Variants in PFKP observed in about 807,000 individuals in gnomAD.
PFKP encodes the protein phosphofructokinase, platelet.
A neutral mutation model predicts 94.3 loss-of-function variants in PFKP; 101 were observed. The observed-to-expected ratio is 1.07, with a 90% CI of 0.91 to 1.26. The LOEUF (loss-of-function observed/expected upper bound fraction) is 1.26, where lower values mean the gene tolerates loss of function less well. Among genes scored for constraint, PFKP ranks in the 50% most tolerant of loss-of-function variants. PFKP has a pLI of 0.00. For synonymous variants in PFKP, 573 were observed against 432.6 expected (o/e 1.32, Z -4.03); for missense variants, 1,145 against 1,103.3 (o/e 1.04, Z -0.53).
chr10:3,124,060 C>A (rs1278836010), intron 16 of PFKP, among the ~76,000 whole-genome samples: 1 of 148,538 alleles, frequency 6.7e-6, no homozygotes, highest in African/African-American at 2.5e-5. Context: ...CGGGTCTACA[C>A]CCACTGTCCG....
intron 13 of PFKP, among the ~76,000 whole-genome samples, chr10:3,115,402 G>C (rs1836708992): frequency 1.2e-5 from 1 of 84,866 alleles, no homozygotes; most frequent in South Asian, 5.4e-4. Flanking sequence ...GGGGATGCCG[G>C]GGTGAAGGTG....
intron 2 of PFKP, among the ~76,000 whole-genome samples, chr10:3,082,977 T>G (rs576487959): frequency 6.6e-6 from 1 of 152,258 alleles, no homozygotes; most frequent in African/African-American, 2.4e-5. Context: ...TCCCAAAGTT[T>G]TGGTATTACA....
intron 1 of PFKP, 76 bp from the exon 2 acceptor site, chr10:3,082,312 T>G: frequency 9.3e-7 from 1 of 1,071,144 alleles, no homozygotes; most frequent in Non-Finnish European, 1.4e-6. Context: ...AACGGACCCA[T>G]GGTCATGGGT....
intron 16 of PFKP, among the ~76,000 whole-genome samples, chr10:3,121,803 C>CTTTTCTTTCTTTTTTT (rs1564339123): frequency 3.1e-5 from 1 of 32,624 alleles, no homozygotes; most frequent in Admixed American, 4.6e-4. Flanking sequence ...CTTTTTTTTT[C>CTTTTCTTTCTTTTTTT]TTTTTTTTTT....
At chr10:3,132,622 A>G (rs920559158) in intron 18 of PFKP, among the ~76,000 whole-genome samples, 181 bp downstream of exon 18, 3 of 139,658 alleles carry the variant, frequency 2.1e-5, no homozygotes, top group Admixed American at 1.5e-4. Context: ...CTGCATTTAG[A>G]CAACTAATAT....
intron 2 of PFKP, among the ~76,000 whole-genome samples, chr10:3,082,698 G>C (rs1833182685): frequency 1.3e-5 from 2 of 152,114 alleles, no homozygotes; most frequent in Non-Finnish European, 2.9e-5. Context: ...AGATGAGAGG[G>C]AGCCCAAAAA....
chr10:3,129,632 G>C, intron 16 of PFKP, 187 bp from the exon 17 acceptor site: 1 of 634,576 alleles, frequency 1.6e-6, no homozygotes, highest in Non-Finnish European at 2.7e-6. Flanking sequence ...GGTTGCGGGG[G>C]ACCACGTTCA....
chr10:3,070,609 G>C (rs1456629471), intron 1 of PFKP, among the ~76,000 whole-genome samples: 2 of 152,168 alleles, frequency 1.3e-5, no homozygotes, highest in Non-Finnish European at 2.9e-5. Flanking sequence ...TCCCAAGAGA[G>C]GCGTGTCCTC....
At position 3,136,621 on chromosome 10, in the gene PFKP, CTGTT is replaced by C. The variant is rs551583320; in HGVS notation, c.*44_*47del. 4.2e-4 allele frequency: 677 copies of C among 1,600,902 alleles called. 5 individuals are homozygous for C. The African/African-American group carries it at 8.0e-3, about 19-fold the overall frequency. ...TGTGCCTGCAGCCACCGTGGACTGT[CTGTT>C]TTTGTAACACTTAAGTTATTTTATC... is the stretch of plus-strand genomic sequence containing the variant. On this transcript the variant is annotated 3_prime_UTR_variant, in exon 22 of 22. Transcript: ENST00000381125.
At position 3,096,347 on chromosome 10, in the gene PFKP, G is replaced by A. The variant is rs567302642; in HGVS notation, c.187-2928G>A. On this transcript the variant is annotated intron_variant, in intron 2 of 21. Transcript: ENST00000381125. ...CATCCTCTTCAGCAGGGTGGCGGCC[G>A]GAACTGGCACCTTCCCCCCGGTCTC... Among the ~76,000 whole-genome samples the A allele has an allele frequency of 3.3e-5, 5 of 152,266 alleles. No homozygotes were observed. In the South Asian group the frequency reaches 8.3e-4, roughly 25 times the overall value.
In PFKP at chr10:3,136,684, C is replaced by CA. The variant is rs1839412021; in HGVS notation, c.*105_*106insA. The CA allele has an allele frequency of 3.1e-6, 4 of 1,270,564 alleles. No homozygotes were observed. Among genetic ancestry groups the CA allele is most frequent in the South Asian group, 2.8e-5 (2 of 71,208 alleles). 78.7% of individuals were successfully genotyped at this position (1,270,564 alleles called of 1,614,324 possible). On this transcript the variant is annotated 3_prime_UTR_variant, in exon 22 of 22. Coordinates refer to ENST00000381125, the MANE Select transcript of PFKP (RefSeq NM_002627.5). ...ATGCACGTATTATTGACATTAATACCTAATCGGCGAGTGCCCATCTGCCCC... is the reference window on the plus strand; with the variant it reads ...ATGCACGTATTATTGACATTAATACCATAATCGGCGAGTGCCCATCTGCCCC...
intron 16 of PFKP, 112 bp downstream of exon 16, chr10:3,120,156 G>T: frequency 2.4e-6 from 2 of 835,746 alleles, no homozygotes; most frequent in South Asian, 1.6e-5. Flanking sequence ...TACCCTGAAT[G>T]AGAGCTTCTC....
At chr10:3,100,075 G>T (rs934322470) in intron 3 of PFKP, among the ~76,000 whole-genome samples, 8 of 150,032 alleles carry the variant, frequency 5.3e-5, no homozygotes, top group Admixed American at 1.3e-4. Context: ...GTGTGTGTGT[G>T]TGTGTGTGTG....
At chr10:3,131,180 A>G (rs1468544734) in intron 17 of PFKP, among the ~76,000 whole-genome samples, 3 of 152,182 alleles carry the variant, frequency 2.0e-5, no homozygotes, top group African/African-American at 7.2e-5. Flanking sequence ...ACATCTAGAC[A>G]TGTTTAGATA....
chr10:3,092,502 T>G (rs918116408), intron 2 of PFKP, among the ~76,000 whole-genome samples: 2 of 152,078 alleles, frequency 1.3e-5, no homozygotes, highest in Non-Finnish European at 2.9e-5. Flanking sequence ...ATTATATTAA[T>G]GTATTTCAGA....
At chr10:3,118,707 GGGACCGGCGTGGCGTCCTGC>G in intron 14 of PFKP, 55 bp from the exon 15 acceptor site, 2 of 1,004,692 alleles carry the variant, frequency 2.0e-6, no homozygotes, top group African/African-American at 3.2e-5. Flanking sequence ...CGGCCGGGTG[GGGACCGGCGTGGCGTCCTGC>G]GGACCGCGTG....
intron 1 of PFKP, among the ~76,000 whole-genome samples, chr10:3,079,673 G>GGGGGGGGGA (rs1832891526): frequency 1.8e-5 from 2 of 113,334 alleles, no homozygotes; most frequent in African/African-American, 6.2e-5. Context: ...GGGGGGGGGG[G>GGGGGGGGGA]GAAGAGGAGC....
intron 1 of PFKP, among the ~76,000 whole-genome samples, chr10:3,081,632 AGGTGGTTCCGAGACACTAGT>A (rs1186591939): frequency 6.6e-6 from 1 of 152,230 alleles, no homozygotes; most frequent in African/African-American, 2.4e-5. Flanking sequence ...CCAGGCCCAG[AGGTGGTTCCGAGACACTAGT>A]GGCTTCAGCT....
chr10:3,097,666 C>T (rs1399894366), intron 2 of PFKP, among the ~76,000 whole-genome samples: 3 of 152,166 alleles, frequency 2.0e-5, no homozygotes, highest in South Asian at 4.1e-4. Flanking sequence ...CCATTCCAGA[C>T]TGTTTTCTCC....
Sources: gnomAD v4.1 joint callset for allele counts (sites outside exome capture counted in the v4.1 genomes callset) on GRCh38, gnomAD v4.1.1 for gene constraint, MANE v1.5 for transcripts, NCBI Gene and HGNC (gene_info 2026-07-23, HGNC 2026-07-21) for gene names.